Variants in ZBTB16 observed in about 807,000 individuals in gnomAD.
The protein encoded by ZBTB16 is zinc finger and BTB domain containing 16.
ZBTB16 carries 8 observed loss-of-function variants against 56.8 expected under a neutral mutation model. The observed-to-expected ratio is 0.14, with a 90% confidence interval of 0.08 to 0.25. The LOEUF is 0.25. ZBTB16 is among the 10% of genes least tolerant of loss of function. ZBTB16 has a pLI of 1.00. For synonymous variants in ZBTB16, 363 were observed against 368.5 expected (o/e 0.98, Z 0.17); for missense variants, 625 against 903.0 (o/e 0.69, Z 3.95).
At chr11:114,077,058 A>G (rs945611532) in intron 2 of ZBTB16, among the ~76,000 whole-genome samples, 7 of 152,184 alleles carry the variant, frequency 4.6e-5, no homozygotes, top group Non-Finnish European at 1.0e-4. Flanking sequence ...TGGCAAGCAG[A>G]TCATGTTAAC....
Position 114,255,479 on chromosome 11 carries a change from C to T in ZBTB16, c.*4924C>T, listed in dbSNP as rs1435732215. ...CTCCATCTCCCTCTCCCGCCCTCCC[C>T]TCCTCCCTCTGGCTCCCCGTCTCAT... On this transcript the variant is annotated 3_prime_UTR_variant, in exon 7 of 7. Coordinates refer to ENST00000335953, the MANE Select transcript of ZBTB16 (RefSeq NM_006006.6). 6.6e-6 allele frequency among the ~76,000 whole-genome samples: 1 copy of T among 150,544 alleles called. No homozygotes were observed. Among genetic ancestry groups the T allele is most frequent in the Non-Finnish European group, 1.5e-5 (1 of 67,912 alleles).
At chr11:114,178,362 C>T (rs771424773) in intron 3 of ZBTB16, among the ~76,000 whole-genome samples, 8 of 152,204 alleles carry the variant, frequency 5.3e-5, no homozygotes, top group Non-Finnish European at 8.8e-5. Flanking sequence ...AACCCTGTGG[C>T]ATAAACACTC....
intron 6 of ZBTB16, among the ~76,000 whole-genome samples, chr11:114,249,722 G>A (rs1375877332): frequency 5.3e-5 from 7 of 133,012 alleles, no homozygotes; most frequent in South Asian, 2.6e-4. Flanking sequence ...CCGAGATTGC[G>A]CCACTGCAGT....
chr11:114,240,356 C>G (rs1944676670), intron 4 of ZBTB16, among the ~76,000 whole-genome samples: 1 of 152,182 alleles, frequency 6.6e-6, no homozygotes, highest in African/African-American at 2.4e-5. Context: ...CAGGGAGGTT[C>G]TTCGTGCCAT....
At chr11:114,160,795 A>G (rs1190744752) in intron 3 of ZBTB16, among the ~76,000 whole-genome samples, 1 of 152,208 alleles carries the variant, frequency 6.6e-6, no homozygotes, top group Non-Finnish European at 1.5e-5. Context: ...AACCAAACTC[A>G]TTAACTAATG....
At chr11:114,235,674 CTTTCTTTCTTTCTTTCTTT>C (rs1944558327) in intron 4 of ZBTB16, among the ~76,000 whole-genome samples, 1 of 24,446 alleles carries the variant, frequency 4.1e-5, no homozygotes, top group African/African-American at 1.1e-4. Context: ...TTCTTTCTTT[CTTTCTTTCTTTCTTTCTTT>C]TCTTTCTTTC....
chr11:114,173,195 C>T (rs545314557), intron 3 of ZBTB16, among the ~76,000 whole-genome samples: 8 of 152,310 alleles, frequency 5.3e-5, no homozygotes, highest in African/African-American at 4.8e-5. Flanking sequence ...CTAGAGAGCC[C>T]GCTTCTTGTC....
chr11:114,211,087 A>T (rs1321801818), intron 4 of ZBTB16: 1 of 159,888 alleles, frequency 6.3e-6, no homozygotes, highest in African/African-American at 2.4e-5. Context: ...CCCCTAGCTA[A>T]TTTTTCTATT....
intron 2 of ZBTB16, among the ~76,000 whole-genome samples, chr11:114,107,148 A>T (rs1027885765): frequency 2.0e-5 from 3 of 152,106 alleles, no homozygotes; most frequent in African/African-American, 7.2e-5. Flanking sequence ...TCTAGGTGAG[A>T]TAAGGGAATG....
chr11:114,232,936 G>C (rs1944471196), intron 4 of ZBTB16, among the ~76,000 whole-genome samples: 1 of 152,132 alleles, frequency 6.6e-6, no homozygotes, highest in South Asian at 2.1e-4. Context: ...TTAAGGCCTT[G>C]GACCCCGTGA....
intron 2 of ZBTB16, among the ~76,000 whole-genome samples, chr11:114,093,036 TAAAA>T (rs2137731101): frequency 6.6e-6 from 1 of 152,198 alleles, no homozygotes; most frequent in East Asian, 1.9e-4. Context: ...TAAAGAAGAT[TAAAA>T]AACCACCAGT....
chr11:114,073,733 G>A (rs766027394), intron 2 of ZBTB16, among the ~76,000 whole-genome samples: 3 of 152,232 alleles, frequency 2.0e-5, no homozygotes, highest in Non-Finnish European at 4.4e-5. Flanking sequence ...TACTGAGAAA[G>A]TTGTTAGAAG....
At chr11:114,201,744 CTG>C (rs527841391) in intron 4 of ZBTB16, among the ~76,000 whole-genome samples, 15 of 152,126 alleles carry the variant, frequency 9.9e-5, no homozygotes, top group Non-Finnish European at 1.6e-4. Context: ...CTATAAGACT[CTG>C]TAATGCTCTA....
chr11:114,117,948 G>A (rs1394225696), intron 2 of ZBTB16, among the ~76,000 whole-genome samples: 1 of 152,104 alleles, frequency 6.6e-6, no homozygotes, highest in East Asian at 1.9e-4. Flanking sequence ...CTTAGGTCTG[G>A]GTTCGTGAGC....
At chr11:114,096,457 C>T (rs1462554245) in intron 2 of ZBTB16, among the ~76,000 whole-genome samples, 1 of 152,160 alleles carries the variant, frequency 6.6e-6, no homozygotes, top group Non-Finnish European at 1.5e-5. Flanking sequence ...TGTGCTTCTT[C>T]GTCCTAAAAT....
intron 4 of ZBTB16, among the ~76,000 whole-genome samples, chr11:114,200,677 C>T (rs1295197505): frequency 6.6e-6 from 1 of 152,136 alleles, no homozygotes; most frequent in African/African-American, 2.4e-5. Context: ...AGAATTGTCC[C>T]CACATCCGAG....
At chr11:114,076,358 G>A (rs1939563065) in intron 2 of ZBTB16, among the ~76,000 whole-genome samples, 1 of 152,192 alleles carries the variant, frequency 6.6e-6, no homozygotes, top group Non-Finnish European at 1.5e-5. Flanking sequence ...AGGGCCACTG[G>A]CTCATTTCTG....
At chr11:114,077,331 A>C (rs897600252) in intron 2 of ZBTB16, among the ~76,000 whole-genome samples, 9 of 152,060 alleles carry the variant, frequency 5.9e-5, no homozygotes, top group African/African-American at 2.2e-4. Flanking sequence ...GTTTGCCCTT[A>C]AATAATGAGA....
chr11:114,157,056 G>T (rs879884508), intron 3 of ZBTB16, among the ~76,000 whole-genome samples: 1 of 152,184 alleles, frequency 6.6e-6, no homozygotes, highest in Non-Finnish European at 1.5e-5. Context: ...CCTGACTTTA[G>T]TTGTGGAGGC....
Sources: gnomAD v4.1 joint callset for allele counts (sites outside exome capture counted in the v4.1 genomes callset) on GRCh38, gnomAD v4.1.1 for gene constraint, MANE v1.5 for transcripts, NCBI Gene and HGNC (gene_info 2026-07-23, HGNC 2026-07-21) for gene names.